The following GPC6 variants were observed in gnomAD, a reference collection of about 807,000 sequenced individuals.
GPC6 encodes the protein glypican-6.
Under a neutral mutation model 55.2 loss-of-function variants are expected in GPC6, and 14 were observed. That is an observed-to-expected ratio of 0.25 (90% CI 0.17 to 0.40). The LOEUF (loss-of-function observed/expected upper bound fraction) is 0.40. Among genes scored for constraint, GPC6 ranks in the 10% least tolerant of loss-of-function variants. The pLI is 1.00. For synonymous variants in GPC6, 278 were observed against 259.6 expected, an observed-to-expected ratio of 1.07 and a Z score of -0.68; for missense variants, 641 against 708.5, an observed-to-expected ratio of 0.90 and a Z score of 1.08.
intron 6 of GPC6, among the ~76,000 whole-genome samples, chr13:94,340,204 A>G (rs1179721116): frequency 6.6e-6 from 1 of 152,230 alleles, no homozygotes; most frequent in African/African-American, 2.4e-5. Context: ...ACTCCTGGTA[A>G]TAGCAGGACT....
chr13:93,306,147 C>A, intron 1 of GPC6, among the ~76,000 whole-genome samples: 1 of 152,098 alleles, frequency 6.6e-6, no homozygotes, highest in Non-Finnish European at 1.5e-5. Context: ...TTATTGACAT[C>A]TTTTTCTTGT....
chr13:94,015,804 G>A (rs897415709), intron 3 of GPC6, among the ~76,000 whole-genome samples: 2 of 152,044 alleles, frequency 1.3e-5, no homozygotes, highest in African/African-American at 4.8e-5. Flanking sequence ...AAATCAATTG[G>A]CCATAAATGT....
At chr13:94,106,517 A>G (rs1886060081) in intron 4 of GPC6, among the ~76,000 whole-genome samples, 1 of 151,948 alleles carries the variant, frequency 6.6e-6, no homozygotes, top group Non-Finnish European at 1.5e-5. Flanking sequence ...AAGAGTTAAG[A>G]GAGTGAGGGA....
At chr13:94,103,289 A>G (rs938200487) in intron 4 of GPC6, among the ~76,000 whole-genome samples, 2 of 152,100 alleles carry the variant, frequency 1.3e-5, no homozygotes, top group African/African-American at 4.8e-5. Flanking sequence ...TCAATCATTG[A>G]TGGGCATTTG....
chr13:93,426,754 G>C (rs1408135126), intron 1 of GPC6, among the ~76,000 whole-genome samples: 1 of 152,140 alleles, frequency 6.6e-6, no homozygotes, highest in Non-Finnish European at 1.5e-5. Context: ...TATACACCCA[G>C]TAATGGGATG....
At chr13:94,175,070 G>A (rs936401282) in intron 4 of GPC6, among the ~76,000 whole-genome samples, 1 of 151,906 alleles carries the variant, frequency 6.6e-6, no homozygotes, top group Non-Finnish European at 1.5e-5. Context: ...GCCTGTTCTG[G>A]AACTTCTTAT....
chr13:93,507,812 T>C (rs1053385371), intron 1 of GPC6, among the ~76,000 whole-genome samples: 7 of 152,148 alleles, frequency 4.6e-5, no homozygotes, highest in African/African-American at 1.7e-4. Context: ...GATATGAATG[T>C]TTTTCTGTTT....
chr13:93,312,896 T>C (rs1879122350), intron 1 of GPC6, among the ~76,000 whole-genome samples: 2 of 152,182 alleles, frequency 1.3e-5, no homozygotes. Flanking sequence ...CTCTATAAAC[T>C]GTACTGAAGC....
chr13:94,259,843 G>T (rs943741871), intron 4 of GPC6, among the ~76,000 whole-genome samples: 6 of 152,040 alleles, frequency 3.9e-5, no homozygotes, highest in African/African-American at 1.5e-4. Flanking sequence ...ATAATCTTAT[G>T]ATTTTTATGG....
chr13:94,139,412 A>T (rs186250213), intron 4 of GPC6, among the ~76,000 whole-genome samples: 79 of 152,310 alleles, frequency 5.2e-4, no homozygotes, highest in Non-Finnish European at 9.9e-4. Context: ...CCCCCACCTT[A>T]GGAATTGGAG....
chr13:93,890,317 G>T (rs534332012), intron 3 of GPC6, among the ~76,000 whole-genome samples: 1 of 152,182 alleles, frequency 6.6e-6, no homozygotes, highest in South Asian at 2.1e-4. Context: ...CCATGCACAG[G>T]TTCCTTATCT....
intron 4 of GPC6, among the ~76,000 whole-genome samples, chr13:94,151,545 T>C (rs180938083): frequency 1.9e-4 from 29 of 152,236 alleles, no homozygotes; most frequent in Non-Finnish European, 3.5e-4. Context: ...CGAATGGTTA[T>C]TTGAGCTCAA....
At chr13:93,223,040 T>TTTTC (rs1555335541), upstream of GPC6, among the ~76,000 whole-genome samples, 3 of 148,650 alleles carry the variant, frequency 2.0e-5, no homozygotes, top group Admixed American at 6.7e-5. Flanking sequence ...TTTTTTTTTT[T>TTTTC]CAGAAATCTC....
At chr13:94,401,927 A>ATGAC (rs1881148366) in intron 8 of GPC6, among the ~76,000 whole-genome samples, 1 of 150,344 alleles carries the variant, frequency 6.7e-6, no homozygotes, top group Non-Finnish European at 1.5e-5. Context: ...GCCAGACCCT[A>ATGAC]TGATTGATTG....
At chr13:94,402,983 TCTAA>T in intron 8 of GPC6, 28 bp from the exon 9 acceptor site, 1 of 1,470,232 alleles carries the variant, frequency 6.8e-7, no homozygotes, top group Non-Finnish European at 9.5e-7. Flanking sequence ...ATATCAGTGG[TCTAA>T]CTTTCTTTTT....
At chr13:93,644,797 A>C (rs1303341811) in intron 2 of GPC6, among the ~76,000 whole-genome samples, 2 of 151,534 alleles carry the variant, frequency 1.3e-5, no homozygotes, top group Non-Finnish European at 2.9e-5. Flanking sequence ...TAAATAAATA[A>C]ATAAATAAAT....
intron 4 of GPC6, among the ~76,000 whole-genome samples, chr13:94,066,302 A>G (rs1884513612): frequency 6.6e-6 from 1 of 152,100 alleles, no homozygotes; most frequent in Admixed American, 6.5e-5. Context: ...ATATTCCTTA[A>G]TGTTAGTTCA....
At chr13:94,337,018 G>A (rs1389959638) in intron 6 of GPC6, among the ~76,000 whole-genome samples, 1 of 152,154 alleles carries the variant, frequency 6.6e-6, no homozygotes, top group African/African-American at 2.4e-5. Flanking sequence ...TCTACCACTA[G>A]AAAGGAGATA....
At chr13:93,365,295 T>A (rs1463211727) in intron 1 of GPC6, among the ~76,000 whole-genome samples, 1 of 152,026 alleles carries the variant, frequency 6.6e-6, no homozygotes, top group Non-Finnish European at 1.5e-5. Flanking sequence ...CCTGGCTCAT[T>A]CCCTCCAATA....
Sources: gnomAD v4.1 joint callset for allele counts (sites outside exome capture counted in the v4.1 genomes callset) on GRCh38, gnomAD v4.1.1 for gene constraint, MANE v1.5 for transcripts, NCBI Gene and HGNC (gene_info 2026-07-23, HGNC 2026-07-21) for gene names.